LDB2: variants seen among roughly 807,000 people sequenced by gnomAD.
LDB2 encodes the protein LIM domain binding 2.
A neutral mutation model predicts 44.3 loss-of-function variants in LDB2; 12 were observed. The ratio of observed to expected loss-of-function variants is 0.27; its 90% CI spans 0.17 to 0.44. The LOEUF is 0.44. Among genes scored for constraint, LDB2 ranks in the 20% least tolerant of loss-of-function variants. LDB2 has a pLI of 1.00. For synonymous variants in LDB2, 164 were observed against 174.8 expected, an observed-to-expected ratio of 0.94 and a Z score of 0.49; for missense variants, 344 against 473.5, an observed-to-expected ratio of 0.73 and a Z score of 2.54.
chr4:16,650,637 G>A (rs1238136369), intron 2 of LDB2, among the ~76,000 whole-genome samples: 2 of 152,198 alleles, frequency 1.3e-5, no homozygotes, highest in Non-Finnish European at 2.9e-5. Flanking sequence ...CAAACCTGCA[G>A]TGTATAGCAA....
At chr4:16,844,537 C>CT (rs1264533684) in intron 1 of LDB2, among the ~76,000 whole-genome samples, 3 of 152,076 alleles carry the variant, frequency 2.0e-5, no homozygotes, top group East Asian at 1.9e-4. Context: ...TCTCTTAAGA[C>CT]TTTTTTTTCT....
chr4:16,609,830 G>A (rs568756470), intron 2 of LDB2, among the ~76,000 whole-genome samples: 226 of 152,194 alleles, frequency 1.5e-3, no homozygotes, highest in African/African-American at 5.0e-3. Flanking sequence ...CCCTCTCAGC[G>A]AAACACACTC....
At chr4:16,615,901 T>TA (rs1309935437) in intron 2 of LDB2, among the ~76,000 whole-genome samples, 3 of 152,122 alleles carry the variant, frequency 2.0e-5, no homozygotes, top group African/African-American at 7.2e-5. Context: ...TGCTCTGCCT[T>TA]ATGGTAGCTG....
intron 2 of LDB2, among the ~76,000 whole-genome samples, chr4:16,653,147 G>A (rs539177863): frequency 6.6e-6 from 1 of 152,316 alleles, no homozygotes; most frequent in African/African-American, 2.4e-5. Context: ...CCCTGCAGCT[G>A]ATAGAGCCAC....
chr4:16,760,614 T>C (rs1056454891), intron 1 of LDB2, among the ~76,000 whole-genome samples: 18 of 152,122 alleles, frequency 1.2e-4, no homozygotes, highest in African/African-American at 4.3e-4. Flanking sequence ...CACTTAACTA[T>C]GTGTAGGCCT....
chr4:16,514,008 C>G (rs1347536378), intron 5 of LDB2, among the ~76,000 whole-genome samples: 3 of 152,192 alleles, frequency 2.0e-5, no homozygotes, highest in African/African-American at 4.8e-5. Flanking sequence ...AGGATCCTGT[C>G]CCATATCCAG....
chr4:16,766,043 C>T (rs1434340427), intron 1 of LDB2, among the ~76,000 whole-genome samples: 1 of 152,066 alleles, frequency 6.6e-6, no homozygotes, highest in Non-Finnish European at 1.5e-5. Flanking sequence ...CTCATGGGCC[C>T]ATTACCCGGA....
intron 1 of LDB2, among the ~76,000 whole-genome samples, chr4:16,813,167 G>A (rs949985248): frequency 1.9e-4 from 29 of 152,012 alleles, no homozygotes; most frequent in African/African-American, 6.0e-4. Flanking sequence ...TGTAATTTCA[G>A]TAGAGATGGG....
chr4:16,623,423 C>T (rs146247147), intron 2 of LDB2, among the ~76,000 whole-genome samples: 10 of 152,162 alleles, frequency 6.6e-5, no homozygotes, highest in African/African-American at 1.7e-4. Flanking sequence ...CATGGTGAAA[C>T]CCCATCTCTA....
chr4:16,606,004 A>T (rs1404567302), intron 2 of LDB2, among the ~76,000 whole-genome samples: 1 of 152,218 alleles, frequency 6.6e-6, no homozygotes, highest in Non-Finnish European at 1.5e-5. Context: ...AACAGTTACC[A>T]GTAAGTGTAG....
At chr4:16,578,777 C>G (rs547367165) in intron 5 of LDB2, among the ~76,000 whole-genome samples, 1 of 152,196 alleles carries the variant, frequency 6.6e-6, no homozygotes, top group African/African-American at 2.4e-5. Context: ...TTAACAATAG[C>G]CAAGATTTTG....
intron 1 of LDB2, among the ~76,000 whole-genome samples, chr4:16,835,303 G>A (rs1784716979): frequency 6.6e-6 from 1 of 152,138 alleles, no homozygotes; most frequent in Admixed American, 6.5e-5. Context: ...CCACACCCCA[G>A]ACAGAGGTAG....
At chr4:16,883,722 G>A (rs967280639) in intron 1 of LDB2, among the ~76,000 whole-genome samples, 10 of 152,076 alleles carry the variant, frequency 6.6e-5, no homozygotes, top group South Asian at 2.1e-4. Context: ...CCAGGCTGAC[G>A]GCCAGCACAT....
chr4:16,810,494 C>A (rs1189206244), intron 1 of LDB2, among the ~76,000 whole-genome samples: 16 of 152,086 alleles, frequency 1.1e-4, no homozygotes, highest in Admixed American at 1.0e-3. Flanking sequence ...TGTGATGGAT[C>A]TATTTGAAAA....
chr4:16,688,492 C>A (rs1749804641), intron 2 of LDB2, among the ~76,000 whole-genome samples: 1 of 152,100 alleles, frequency 6.6e-6, no homozygotes, highest in Admixed American at 6.5e-5. Context: ...TGTTTTATTC[C>A]ATTTTCTTAA....
chr4:16,526,295 T>C (rs1728219353), intron 5 of LDB2, among the ~76,000 whole-genome samples: 1 of 152,200 alleles, frequency 6.6e-6, no homozygotes. Flanking sequence ...ACATCAGAAC[T>C]TCAGGTTCTC....
At chr4:16,749,508 G>A (rs1295097686) in intron 2 of LDB2, among the ~76,000 whole-genome samples, 2 of 138,228 alleles carry the variant, frequency 1.4e-5, no homozygotes, top group Non-Finnish European at 3.1e-5. Flanking sequence ...CAGTGGAGCC[G>A]AGATCACACC....
At chr4:16,720,170 C>T (rs1389643676) in intron 2 of LDB2, among the ~76,000 whole-genome samples, 1 of 151,430 alleles carries the variant, frequency 6.6e-6, no homozygotes, top group Non-Finnish European at 1.5e-5. Flanking sequence ...AACCCTAATC[C>T]AGGTATATGT....
At chr4:16,681,651 G>C (rs1430183503) in intron 2 of LDB2, among the ~76,000 whole-genome samples, 1 of 107,616 alleles carries the variant, frequency 9.3e-6, no homozygotes, top group Admixed American at 1.4e-4. Flanking sequence ...TTTTGCGACA[G>C]AGTCTCGCTC....
Sources: allele counts gnomAD v4.1 joint callset (sites outside exome capture counted in the v4.1 genomes callset), GRCh38; gene constraint gnomAD v4.1.1; transcripts MANE v1.5; gene names NCBI Gene and HGNC (gene_info 2026-07-23, HGNC 2026-07-21).